GRM5: variants seen among roughly 807,000 people sequenced by gnomAD.
The protein encoded by GRM5 is metabotropic glutamate receptor 5.
In GRM5, 19 loss-of-function variants were observed where a neutral mutation model predicts 83.1. The ratio of observed to expected loss-of-function variants is 0.23; its 90% CI spans 0.16 to 0.34. GRM5 has a LOEUF of 0.34. Ranked by LOEUF, GRM5 falls within the 10% of genes least tolerant of loss-of-function variation. The pLI, the probability that GRM5 is intolerant of heterozygous loss-of-function variation, is 1.00. For missense variants in GRM5, 1,160 were observed against 1,588.3 expected, an observed-to-expected ratio of 0.73 and a Z score of 4.58; for synonymous variants, 675 against 633.6, an observed-to-expected ratio of 1.07 and a Z score of -0.98.
At chr11:88,755,363 A>G (rs186095409) in intron 3 of GRM5, among the ~76,000 whole-genome samples, 423 of 152,228 alleles carry the variant, frequency 2.8e-3, no homozygotes, top group South Asian at 6.2e-3. Context: ...GACCAAATTA[A>G]TTTTTTCATA....
chr11:88,524,214 C>CTTTTTT (rs71470770), intron 9 of GRM5, among the ~76,000 whole-genome samples: 14 of 101,402 alleles, frequency 1.4e-4, no homozygotes, highest in East Asian at 1.1e-3. Flanking sequence ...TTCTTTCTTT[C>CTTTTTT]TTTTTTTTTT....
chr11:88,799,091 G>C (rs1943340466), intron 3 of GRM5, among the ~76,000 whole-genome samples: 1 of 152,072 alleles, frequency 6.6e-6, no homozygotes, highest in African/African-American at 2.4e-5. Context: ...TACGCATAAA[G>C]AGTTCTAAAA....
At chr11:88,520,414 CT>C (rs1413726987) in intron 9 of GRM5, among the ~76,000 whole-genome samples, 1 of 152,160 alleles carries the variant, frequency 6.6e-6, no homozygotes, top group Admixed American at 6.6e-5. Context: ...ATGCCTTACA[CT>C]TTCTGAATAC....
intron 2 of GRM5, among the ~76,000 whole-genome samples, chr11:88,999,957 A>T (rs1940315645): frequency 6.6e-6 from 1 of 152,230 alleles, no homozygotes; most frequent in Admixed American, 6.5e-5. Context: ...ATGAAGCTGG[A>T]AACCATCATT....
At chr11:89,009,248 A>T (rs2135085408) in intron 2 of GRM5, 1 of 551,318 alleles carries the variant, frequency 1.8e-6, no homozygotes, top group Non-Finnish European at 3.3e-6. Context: ...ATTGTAAATC[A>T]AGTAATTACA....
intron 3 of GRM5, among the ~76,000 whole-genome samples, chr11:88,775,987 GAT>G: frequency 6.6e-6 from 1 of 152,252 alleles, no homozygotes; most frequent in South Asian, 2.1e-4. Flanking sequence ...TCAGGTCCTG[GAT>G]ATCCTTGTTA....
chr11:88,852,907 C>CA (rs922728997), intron 2 of GRM5, among the ~76,000 whole-genome samples: 19 of 151,082 alleles, frequency 1.3e-4, no homozygotes, highest in South Asian at 2.1e-4. Flanking sequence ...AAAAATGCAG[C>CA]AAAAAAAAGT....
At chr11:88,907,723 T>A (rs1485019350) in intron 2 of GRM5, among the ~76,000 whole-genome samples, 3 of 152,168 alleles carry the variant, frequency 2.0e-5, no homozygotes, top group Non-Finnish European at 4.4e-5. Context: ...TGTTGTTTAC[T>A]AGCTGGTCAA....
At chr11:89,039,192 G>T (rs916719421) in intron 2 of GRM5, among the ~76,000 whole-genome samples, 7 of 151,870 alleles carry the variant, frequency 4.6e-5, no homozygotes, top group Non-Finnish European at 7.4e-5. Flanking sequence ...TTGAACCTGG[G>T]AGGCGGAGGT....
intron 3 of GRM5, among the ~76,000 whole-genome samples, chr11:88,790,725 G>A (rs1344259516): frequency 6.6e-6 from 1 of 152,132 alleles, no homozygotes; most frequent in Non-Finnish European, 1.5e-5. Flanking sequence ...TTAGGCAACA[G>A]AGGTAATGGT....
At chr11:89,009,919 A>AAAAAAAAAAAAAAAAAAAAC (rs1940647190) in intron 2 of GRM5, among the ~76,000 whole-genome samples, 1 of 126,456 alleles carries the variant, frequency 7.9e-6, no homozygotes, top group African/African-American at 4.2e-5. Flanking sequence ...AAAAAAAAAA[A>AAAAAAAAAAAAAAAAAAAAC]AAAAAAAAAA....
intron 3 of GRM5, among the ~76,000 whole-genome samples, chr11:88,828,683 G>T (rs1751141186): frequency 6.6e-6 from 1 of 151,998 alleles, no homozygotes; most frequent in African/African-American, 2.4e-5. Flanking sequence ...TTAGTATAAG[G>T]ATTGGAGATA....
chr11:88,715,270 G>A (rs1349873059), intron 3 of GRM5, among the ~76,000 whole-genome samples: 2 of 151,948 alleles, frequency 1.3e-5, no homozygotes, highest in African/African-American at 4.8e-5. Context: ...GTAAAGAAAA[G>A]TTAAGTACTT....
chr11:88,933,187 A>ATTTTTTT (rs57318577), intron 2 of GRM5, among the ~76,000 whole-genome samples: 51 of 106,290 alleles, frequency 4.8e-4, no homozygotes, highest in East Asian at 8.3e-4. Context: ...TATTTGGGGC[A>ATTTTTTT]TTTTTTTTTT....
intron 2 of GRM5, among the ~76,000 whole-genome samples, chr11:88,941,504 G>A (rs1938103696): frequency 1.4e-5 from 1 of 73,640 alleles, no homozygotes; most frequent in Non-Finnish European, 3.3e-5. Flanking sequence ...GAGGAGGGGA[G>A]AGGAGGGGAG....
intron 3 of GRM5, among the ~76,000 whole-genome samples, chr11:88,734,496 C>T (rs1941872204): frequency 6.6e-6 from 1 of 152,000 alleles, no homozygotes; most frequent in South Asian, 2.1e-4. Context: ...GACCCACCCT[C>T]CCATGTTTTT....
chr11:88,618,922 C>G (rs1311625561), intron 4 of GRM5, among the ~76,000 whole-genome samples: 3 of 152,148 alleles, frequency 2.0e-5, no homozygotes, highest in Non-Finnish European at 4.4e-5. Context: ...GCCAGGTGCT[C>G]TCTGGCTGGA....
At chr11:88,755,475 G>A (rs560241099) in intron 3 of GRM5, among the ~76,000 whole-genome samples, 10 of 152,210 alleles carry the variant, frequency 6.6e-5, no homozygotes, top group South Asian at 6.2e-4. Flanking sequence ...AGTGAACAGT[G>A]TCCTATCACA....
chr11:88,911,134 A>C (rs1472699089), intron 2 of GRM5, among the ~76,000 whole-genome samples: 2 of 152,120 alleles, frequency 1.3e-5, no homozygotes, highest in African/African-American at 4.8e-5. Context: ...CAAAAGATGA[A>C]AAAGATTAAA....
Sources: gnomAD v4.1 joint callset for allele counts (sites outside exome capture counted in the v4.1 genomes callset) on GRCh38, gnomAD v4.1.1 for gene constraint, MANE v1.5 for transcripts, NCBI Gene and HGNC (gene_info 2026-07-23, HGNC 2026-07-21) for gene names.